SORL1: variants seen among roughly 807,000 people sequenced by gnomAD.
The protein encoded by SORL1 is sortilin related receptor 1, also known as sortilin-related receptor.
Under a neutral mutation model 273.7 loss-of-function variants are expected in SORL1, and 127 were observed. The observed-to-expected ratio is 0.46, with a 90% CI of 0.40 to 0.54. SORL1 has a LOEUF of 0.54. Ranked by LOEUF, SORL1 falls within the 20% of genes least tolerant of loss-of-function variation. SORL1 has a pLI of 0.00. For synonymous variants in SORL1, 1,031 were observed against 1,067.4 expected (o/e 0.97, Z 0.66); for missense variants, 2,494 against 2,846.1 (o/e 0.88, Z 2.81).
chr11:121,625,355 T>A, intron 46 of SORL1, 78 bp downstream of exon 46: 1 of 1,203,736 alleles, frequency 8.3e-7, no homozygotes, highest in Non-Finnish European at 1.2e-6. Context: ...CATGACCATG[T>A]GTCTTTCTAA....
intron 41 of SORL1, among the ~76,000 whole-genome samples, chr11:121,615,310 C>T (rs373268209): frequency 6.6e-6 from 1 of 152,042 alleles, no homozygotes; most frequent in African/African-American, 2.4e-5. Context: ...TTAGATCAAC[C>T]GTCCCAAGGC....
intron 14 of SORL1, among the ~76,000 whole-genome samples, chr11:121,545,925 C>T (rs1862419181): frequency 6.6e-6 from 1 of 152,162 alleles, no homozygotes; most frequent in Non-Finnish European, 1.5e-5. Flanking sequence ...CTAATTGGCA[C>T]AGGAGATAGA....
chr11:121,465,978 G>A lies in SORL1; in HGVS notation c.286-4029G>A, dbSNP rs541848895. Reference sequence around the variant, plus strand: ...GTGATCTTTGGGGGGTGGGGTGGGAGGAGTTATCTTGACTCTTAACGACCT... The same window carrying A: ...GTGATCTTTGGGGGGTGGGGTGGGAAGAGTTATCTTGACTCTTAACGACCT... On this transcript the variant is annotated intron_variant, in intron 1 of 47. Coordinates refer to ENST00000260197, the MANE Select transcript of SORL1 (RefSeq NM_003105.6). Among the ~76,000 whole-genome samples, 3 of 152,258 alleles carry A rather than the reference G, an allele frequency of 2.0e-5. No individual in the cohort carries two copies. In the East Asian group the frequency reaches 5.8e-4, roughly 29 times the overall value.
chr11:121,534,671 A>G (rs1004365971), intron 12 of SORL1, among the ~76,000 whole-genome samples: 2 of 152,248 alleles, frequency 1.3e-5, no homozygotes, highest in Non-Finnish European at 2.9e-5. Flanking sequence ...TCACAGAGGT[A>G]TTTTGCTTCT....
rs375952257 is a variant in SORL1, at chr11:121,615,095, C to T, written c.5604+40C>T. ...ATGACCATCACAAAGTGAGTGTGGA[C>T]TGTCCCCTAATGCTACGCCACCACA... On this transcript the variant is annotated intron_variant, in intron 41 of 47. Coordinates refer to ENST00000260197, the MANE Select transcript of SORL1 (RefSeq NM_003105.6). 2.3e-5 allele frequency: 35 copies of T among 1,522,506 alleles called. No individual in the cohort carries two copies. The African/African-American group carries it at 4.7e-4, about 21-fold the overall frequency. 94.3% of individuals were successfully genotyped at this position (1,522,506 alleles called of 1,614,324 possible). A position where few individuals can be genotyped will look rare whatever the true frequency, so the allele number is the denominator to read the frequency against.
intron 23 of SORL1, among the ~76,000 whole-genome samples, chr11:121,570,780 T>C (rs1159085006): frequency 6.6e-6 from 1 of 152,198 alleles, no homozygotes; most frequent in Non-Finnish European, 1.5e-5. Flanking sequence ...TGTGGGGCCA[T>C]TGGTGTACAT....
intron 12 of SORL1, among the ~76,000 whole-genome samples, chr11:121,542,419 A>G (rs529909397): frequency 1.1e-3 from 165 of 152,094 alleles, no homozygotes; most frequent in African/African-American, 3.9e-3. Flanking sequence ...TCTATAACAC[A>G]TTATCTGCCT....
At position 121,464,564 on chromosome 11, in the gene SORL1, T is replaced by TC. The variant is rs542131628; in HGVS notation, c.286-5439dup. ...TGAGGACTGGGTGGTAGCAGGTCCT[T>TC]CCCCTCACTCTGAATAATAGGAGGT... On this transcript the variant is annotated intron_variant, in intron 1 of 47. Transcript: ENST00000260197. Among the ~76,000 whole-genome samples, 13 of 152,250 alleles carry TC rather than the reference T, an allele frequency of 8.5e-5. No homozygotes were observed. In the East Asian group the frequency reaches 1.5e-3, roughly 18 times the overall value.
Position 121,631,947 on chromosome 11 carries a change from T to C in SORL1, c.*2384T>C, listed in dbSNP as rs1863882379. 1 of 152,210 alleles carries C rather than the reference T, an allele frequency of 6.6e-6. No homozygotes were observed. The highest frequency in any genetic ancestry group is 2.4e-5 in the African/African-American group (1 of 41,444). The allele number at this position is 152,210 out of a possible 1,614,324, so 9.4% of individuals were successfully genotyped here. ...TAGCTTTGTGGGGATTTCATGTATA[T>C]ATGCTGTCTGAAAGAATCCAGAGGT... On this transcript the variant is annotated 3_prime_UTR_variant, in exon 48 of 48. Transcript: ENST00000260197.
At chr11:121,591,292 T>G (rs534976574) in intron 31 of SORL1, 136 bp downstream of exon 31, 1 of 815,180 alleles carries the variant, frequency 1.2e-6, no homozygotes, top group African/African-American at 1.7e-5. Context: ...AGGTTGCCTG[T>G]TACTAATGGT....
chr11:121,543,919 C>T (rs681580), intron 13 of SORL1, among the ~76,000 whole-genome samples, 193 bp downstream of exon 13: 149,966 of 152,362 alleles, frequency 0.98, 73,860 homozygotes, highest in East Asian at 1. Flanking sequence ...AGACTGGGTG[C>T]TATTCTTTGT....
chr11:121,476,558 T>C (rs1861270059), intron 2 of SORL1, among the ~76,000 whole-genome samples: 1 of 152,204 alleles, frequency 6.6e-6, no homozygotes. Flanking sequence ...GACTATGTCT[T>C]TTATTAGTCT....
intron 5 of SORL1, among the ~76,000 whole-genome samples, chr11:121,492,318 G>A (rs1052554941): frequency 1.3e-5 from 2 of 152,060 alleles, no homozygotes; most frequent in African/African-American, 4.8e-5. Flanking sequence ...CTGAGATTGC[G>A]TCACTGCACT....
chr11:121,555,308 A>G lies in SORL1; in HGVS notation c.2561A>G (p.Lys854Arg), dbSNP rs905579478. ...QLLYWVDAGF[K>R]KIEVANPDGD... Reference sequence around the variant, plus strand: ...CTTTACTGGGTAGATGCAGGCTTCAAAAAGATTGAGGTATGTGTATTTTCG... The same window carrying G: ...CTTTACTGGGTAGATGCAGGCTTCAGAAAGATTGAGGTATGTGTATTTTCG... The change falls in exon 18 of 48, where the codon AAA becomes AGA. Residue 854 changes from lysine to arginine, a missense_variant. Coordinates refer to ENST00000260197, the MANE Select transcript of SORL1 (RefSeq NM_003105.6). 6.2e-7 allele frequency: 1 copy of G among 1,613,734 alleles called. No homozygotes were observed. Among genetic ancestry groups the G allele is most frequent in the African/African-American group, 1.3e-5 (1 of 74,928 alleles).
chr11:121,520,911 A>T, intron 9 of SORL1, 62 bp downstream of exon 9: 1 of 1,192,778 alleles, frequency 8.4e-7, no homozygotes, highest in Non-Finnish European at 1.2e-6. Flanking sequence ...GCTCTGTGGT[A>T]GTTTCCTATG....
In SORL1 at chr11:121,525,948, A is replaced by G. The variant is rs1386320116; in HGVS notation, c.1596+2959A>G. On this transcript the variant is annotated intron_variant, in intron 11 of 47. Transcript: ENST00000260197. ...GAGGCTGAGGTCAGAAGGTCACATGAGCCCTGGTGGTTGAAGGTGTAGTGA... is the reference window on the plus strand; with the variant it reads ...GAGGCTGAGGTCAGAAGGTCACATGGGCCCTGGTGGTTGAAGGTGTAGTGA... Among the ~76,000 whole-genome samples the G allele has an allele frequency of 2.0e-5, 3 of 152,148 alleles. 1 individual carries two copies. Among genetic ancestry groups the G allele is most frequent in the South Asian group, 4.1e-4 (2 of 4,822 alleles).
At chr11:121,605,066 C>T (rs1863448674) in intron 33 of SORL1, 47 bp from the exon 34 acceptor site, 6 of 1,561,186 alleles carry the variant, frequency 3.8e-6, no homozygotes, top group Non-Finnish European at 5.2e-6. Flanking sequence ...CCACCACGCC[C>T]AGCCAAGATG....
chr11:121,546,432 G>A (rs1327639838), intron 14 of SORL1, among the ~76,000 whole-genome samples: 1 of 152,166 alleles, frequency 6.6e-6, no homozygotes, highest in African/African-American at 2.4e-5. Flanking sequence ...GACAGTCACT[G>A]TAGTCTGTAA....
intron 5 of SORL1, among the ~76,000 whole-genome samples, chr11:121,490,815 T>C (rs1175250470): frequency 6.6e-6 from 1 of 151,692 alleles, no homozygotes; most frequent in East Asian, 1.9e-4. Context: ...TAAAACCTAC[T>C]AGATTCTTAA....
Sources: allele counts gnomAD v4.1 joint callset (sites outside exome capture counted in the v4.1 genomes callset), GRCh38; gene constraint gnomAD v4.1.1; transcripts MANE v1.5; gene names NCBI Gene and HGNC (gene_info 2026-07-23, HGNC 2026-07-21).